The following GRID2 variants were observed in gnomAD, a reference collection of about 807,000 sequenced individuals.
GRID2 encodes glutamate ionotropic receptor delta type subunit 2, also known as glutamate receptor ionotropic, delta-2.
In GRID2, 33 loss-of-function variants were observed where a neutral mutation model predicts 114.8. The observed-to-expected ratio is 0.29, with a 90% CI of 0.22 to 0.38. The LOEUF (loss-of-function observed/expected upper bound fraction) is 0.38, where lower values mean the gene tolerates loss of function less well. Ranked by LOEUF, GRID2 falls within the 10% of genes least tolerant of loss-of-function variation. The pLI is 1.00. For synonymous variants in GRID2, 505 were observed against 449.9 expected, an observed-to-expected ratio of 1.12 and a Z score of -1.55; for missense variants, 1,184 against 1,257.7, an observed-to-expected ratio of 0.94 and a Z score of 0.89.
intron 4 of GRID2, among the ~76,000 whole-genome samples, chr4:93,142,866 C>T (rs542658207): frequency 1.3e-4 from 20 of 152,276 alleles, no homozygotes; most frequent in South Asian, 6.2e-4. Flanking sequence ...AGAAGACATA[C>T]GTCTCCTAGG....
chr4:93,769,419 A>G lies in GRID2; in HGVS notation c.2570A>G (p.Lys857Arg). 6.2e-7 allele frequency: 1 copy of G among 1,613,986 alleles called. No homozygotes were observed. The highest frequency in any genetic ancestry group is 8.5e-7 in the Non-Finnish European group (1 of 1,179,898). The change falls in exon 15 of 16, where the codon AAG becomes AGG. Residue 857 changes from lysine to arginine, a missense_variant. Coordinates refer to ENST00000282020, the MANE Select transcript of GRID2 (RefSeq NM_001510.4). The part of the protein sequence containing the change: ...FIAMLETWWN[K>R]RKGSRVPSKE... ...GCCATGCTGGAGACGTGGTGGAACA[A>G]GAGGAAAGGCTCCCGGGTTCCATCA...
intron 2 of GRID2, among the ~76,000 whole-genome samples, chr4:92,908,551 G>A (rs1476345059): frequency 8.7e-6 from 1 of 114,480 alleles, no homozygotes; most frequent in Non-Finnish European, 1.6e-5. Context: ...GACAGAGCAA[G>A]ACTCCATCTC....
intron 8 of GRID2, among the ~76,000 whole-genome samples, chr4:93,326,009 G>A (rs1757796041): frequency 6.6e-6 from 1 of 152,084 alleles, no homozygotes; most frequent in Non-Finnish European, 1.5e-5. Flanking sequence ...AACTTCTTTG[G>A]CTTGTGTTTT....
intron 2 of GRID2, among the ~76,000 whole-genome samples, chr4:92,816,318 C>CAAAAAAAAAAAAAAAAAAAAAAAA (rs764487348): frequency 2.9e-4 from 14 of 48,256 alleles, no homozygotes; most frequent in East Asian, 1.4e-3. Context: ...TCTGTCTCAC[C>CAAAAAAAAAAAAAAAAAAAAAAAA]AAAAAAAAAA....
At chr4:93,106,258 A>C (rs1732218962) in intron 3 of GRID2, among the ~76,000 whole-genome samples, 1 of 152,216 alleles carries the variant, frequency 6.6e-6, no homozygotes, top group Admixed American at 6.5e-5. Flanking sequence ...ATTGGCTGCC[A>C]GCTAATCAGC....
At chr4:93,321,198 T>A (rs1205209149) in intron 8 of GRID2, among the ~76,000 whole-genome samples, 1 of 152,012 alleles carries the variant, frequency 6.6e-6, no homozygotes. Context: ...GCTGGGAGAA[T>A]AAGATTTTTA....
At chr4:93,158,019 TAAAG>T (rs1261298804) in intron 4 of GRID2, among the ~76,000 whole-genome samples, 12 of 151,810 alleles carry the variant, frequency 7.9e-5, no homozygotes, top group Admixed American at 2.0e-4. Context: ...TTTTAGGACA[TAAAG>T]AAAGCTATAT....
chr4:92,611,573 A>C (rs962335650), intron 2 of GRID2, among the ~76,000 whole-genome samples: 9 of 151,592 alleles, frequency 5.9e-5, no homozygotes, highest in African/African-American at 2.2e-4. Context: ...GCATCTTACT[A>C]GGGTAGATAT....
intron 4 of GRID2, among the ~76,000 whole-genome samples, chr4:93,152,517 C>T (rs1218798333): frequency 6.6e-6 from 1 of 151,960 alleles, no homozygotes; most frequent in Non-Finnish European, 1.5e-5. Flanking sequence ...TATAATTAAC[C>T]ACAGCTTAAA....
intron 13 of GRID2, among the ~76,000 whole-genome samples, chr4:93,580,644 T>G (rs973319889): frequency 6.6e-6 from 1 of 152,166 alleles, no homozygotes; most frequent in Admixed American, 6.5e-5. Flanking sequence ...CCACTTCCCT[T>G]GGCATATTTT....
intron 5 of GRID2, among the ~76,000 whole-genome samples, chr4:93,212,141 C>G (rs1007210251): frequency 1.3e-5 from 2 of 151,984 alleles, no homozygotes; most frequent in Non-Finnish European, 2.9e-5. Context: ...TCAAAAGATG[C>G]AAATGCCCGT....
chr4:93,383,005 G>C (rs1764005531), intron 8 of GRID2, among the ~76,000 whole-genome samples: 2 of 151,880 alleles, frequency 1.3e-5, no homozygotes, highest in African/African-American at 2.4e-5. Context: ...AGTCTCTTTT[G>C]AGCCTGCACC....
intron 8 of GRID2, among the ~76,000 whole-genome samples, chr4:93,386,707 C>G (rs570355881): frequency 3.6e-4 from 55 of 152,126 alleles, no homozygotes; most frequent in Admixed American, 2.9e-3. Flanking sequence ...ACAAAAAGTT[C>G]CTATGGTTTT....
intron 2 of GRID2, among the ~76,000 whole-genome samples, chr4:93,055,773 T>G (rs983151402): frequency 6.6e-6 from 1 of 152,004 alleles, no homozygotes; most frequent in Non-Finnish European, 1.5e-5. Context: ...TTCTTTTGGG[T>G]AGCATGATCT....
At chr4:92,877,077 A>AT (rs201915359) in intron 2 of GRID2, among the ~76,000 whole-genome samples, 14 of 152,296 alleles carry the variant, frequency 9.2e-5, no homozygotes, top group South Asian at 2.1e-4. Flanking sequence ...AACAAAACAA[A>AT]TTTTTTTAAA....
intron 8 of GRID2, among the ~76,000 whole-genome samples, chr4:93,300,196 C>T (rs1579593913): frequency 1.3e-5 from 2 of 152,156 alleles, no homozygotes; most frequent in South Asian, 4.2e-4. Flanking sequence ...ATCTCTCAGC[C>T]TCCTGAGTTT....
chr4:93,129,966 A>C (rs887592710), intron 4 of GRID2, among the ~76,000 whole-genome samples: 4 of 152,196 alleles, frequency 2.6e-5, no homozygotes, highest in African/African-American at 9.7e-5. Flanking sequence ...CCTTATGATT[A>C]AGCTCTTTAA....
chr4:93,509,680 CTAAG>C (rs1254520502), intron 12 of GRID2, among the ~76,000 whole-genome samples: 1 of 152,114 alleles, frequency 6.6e-6, no homozygotes, highest in Non-Finnish European at 1.5e-5. Context: ...CTTTTAGAAA[CTAAG>C]TGTTTGCTCA....
chr4:92,917,268 T>C (rs1324609532), intron 2 of GRID2, among the ~76,000 whole-genome samples: 1 of 152,202 alleles, frequency 6.6e-6, no homozygotes, highest in East Asian at 1.9e-4. Flanking sequence ...TAGCCCTTTG[T>C]CAGATGAGTA....
Sources: allele counts gnomAD v4.1 joint callset (sites outside exome capture counted in the v4.1 genomes callset), GRCh38; gene constraint gnomAD v4.1.1; transcripts MANE v1.5; gene names NCBI Gene and HGNC (gene_info 2026-07-23, HGNC 2026-07-21).